Variants in DCDC1 observed in about 807,000 individuals in gnomAD.
DCDC1 encodes doublecortin domain-containing protein 1.
DCDC1 carries 200 observed loss-of-function variants against 178.3 expected under a neutral mutation model. The observed-to-expected ratio is 1.12, with a 90% confidence interval of 1.00 to 1.26. The LOEUF (loss-of-function observed/expected upper bound fraction) is 1.26. Among genes scored for constraint, DCDC1 ranks in the 50% most tolerant of loss-of-function variants. DCDC1 has a pLI of 0.00. For synonymous variants in DCDC1, 690 were observed against 604.8 expected, an observed-to-expected ratio of 1.14 and a Z score of -2.07; for missense variants, 1,983 against 1,749.2, an observed-to-expected ratio of 1.13 and a Z score of -2.38.
intron 9 of DCDC1, among the ~76,000 whole-genome samples, chr11:31,230,214 GA>G (rs775924212): frequency 7.3e-5 from 11 of 151,694 alleles, no homozygotes; most frequent in Non-Finnish European, 1.6e-4. Flanking sequence ...CTAAGAATGA[GA>G]AATCAAAAAG....
chr11:31,063,094 C>G (rs183508086), intron 20 of DCDC1, among the ~76,000 whole-genome samples: 75 of 151,842 alleles, frequency 4.9e-4, no homozygotes, highest in Non-Finnish European at 6.9e-4. Context: ...AAAAACACAT[C>G]AAAAAATGCT....
At chr11:30,872,764 C>T (rs547388320) in intron 38 of DCDC1, among the ~76,000 whole-genome samples, 39 of 152,226 alleles carry the variant, frequency 2.6e-4, no homozygotes, top group African/African-American at 9.4e-4. Flanking sequence ...AAGTATGTCA[C>T]CCCTACCTCC....
Position 30,906,539 on chromosome 11 carries a change from C to T in DCDC1, c.4104+1G>A, listed in dbSNP as rs371691759. ...TTAGCAGAGCTCAGATCATTACATA[C>T]CTCAGCCACACTGATGACCTTGAAG... On this transcript the variant is annotated splice_donor_variant, in intron 30 of 38. Coordinates refer to ENST00000684477, the MANE Select transcript of DCDC1 (RefSeq NM_001387274.1). LOFTEE classifies it high-confidence loss of function. 1.5e-5 allele frequency: 24 copies of T among 1,611,836 alleles called. No individual in the cohort carries two copies. Among genetic ancestry groups the T allele is most frequent in the Non-Finnish European group, 2.0e-5 (23 of 1,178,990 alleles).
intron 10 of DCDC1, among the ~76,000 whole-genome samples, chr11:31,136,863 AT>A (rs1963197094): frequency 1.3e-5 from 2 of 152,178 alleles, no homozygotes; most frequent in Non-Finnish European, 2.9e-5. Flanking sequence ...GTTTGCTTTA[AT>A]AATAATATTG....
intron 28 of DCDC1, among the ~76,000 whole-genome samples, chr11:30,909,618 T>C (rs937773903): frequency 8.5e-5 from 13 of 152,134 alleles, no homozygotes; most frequent in Non-Finnish European, 1.8e-4. Flanking sequence ...AGAGAAATTA[T>C]TTTACCTTGC....
intron 17 of DCDC1, among the ~76,000 whole-genome samples, chr11:31,079,893 G>A (rs1236331568): frequency 6.6e-6 from 1 of 152,148 alleles, no homozygotes. Context: ...AATGAAATGA[G>A]AATGGAGCAG....
intron 24 of DCDC1, among the ~76,000 whole-genome samples, 184 bp downstream of exon 24, chr11:30,922,319 C>T (rs1433282951): frequency 6.6e-6 from 1 of 152,210 alleles, no homozygotes; most frequent in Non-Finnish European, 1.5e-5. Context: ...TTTGCACATT[C>T]AAACTGTAGT....
chr11:31,341,812 T>TACACACACACACACACACACACAC (rs34730979), intron 1 of DCDC1, among the ~76,000 whole-genome samples: 1 of 144,470 alleles, frequency 6.9e-6, no homozygotes, highest in Non-Finnish European at 1.5e-5. Context: ...TGCATGACTA[T>TACACACACACACACACACACACAC]ACACACACAC....
intron 10 of DCDC1, among the ~76,000 whole-genome samples, chr11:31,133,697 T>TTTTTTG (rs1555076803): frequency 1.4e-4 from 22 of 152,186 alleles, no homozygotes; most frequent in East Asian, 1.4e-3. Context: ...TTGTGGGTTT[T>TTTTTTG]TTTTTGTTTT....
intron 9 of DCDC1, among the ~76,000 whole-genome samples, chr11:31,164,143 T>C (rs1966572094): frequency 6.6e-6 from 1 of 152,114 alleles, no homozygotes; most frequent in Admixed American, 6.6e-5. Flanking sequence ...ATCCTATAAA[T>C]ATGATTTGAG....
chr11:30,892,018 C>G (rs1027312486), intron 36 of DCDC1, among the ~76,000 whole-genome samples: 1 of 152,168 alleles, frequency 6.6e-6, no homozygotes, highest in Admixed American at 6.5e-5. Context: ...CCAACAACAT[C>G]TCTATATGAC....
chr11:30,962,657 T>G (rs1463806603), intron 20 of DCDC1, among the ~76,000 whole-genome samples: 1 of 152,012 alleles, frequency 6.6e-6, no homozygotes, highest in Non-Finnish European at 1.5e-5. Context: ...ACATATATAT[T>G]TAGTCTAGAA....
rs1005608799 is a variant in DCDC1 at position 30,932,306 on chromosome 11, T to A, written c.2716-354A>T. On this transcript the variant is annotated intron_variant, in intron 21 of 38. Transcript: ENST00000684477. ...AGAAGGAATGTGACAAAAGTGGTTT[T>A]AAAATAGCCTGAAATAATACCACCT... Among the ~76,000 whole-genome samples, 3 of 152,152 alleles carry A rather than the reference T, an allele frequency of 2.0e-5. No homozygotes were observed. The East Asian group carries it at 5.8e-4, about 29-fold the overall frequency.
At position 31,234,773 on chromosome 11, in the gene DCDC1, T is replaced by C. The variant is rs577976625; in HGVS notation, c.1221+6677A>G. Among the ~76,000 whole-genome samples the C allele has an allele frequency of 3.9e-5, 6 of 152,288 alleles. No individual in the cohort carries two copies. In the East Asian group the frequency reaches 9.6e-4, roughly 24 times the overall value. ...GAACAGATAGGATGTCAGGTGAAGATAGAATGCTATGCCCTCTCTAACCAG... is the reference window on the plus strand; with the variant it reads ...GAACAGATAGGATGTCAGGTGAAGACAGAATGCTATGCCCTCTCTAACCAG... On this transcript the variant is annotated intron_variant, in intron 9 of 38. Coordinates refer to ENST00000684477, the MANE Select transcript of DCDC1 (RefSeq NM_001387274.1).
At chr11:31,210,586 C>T (rs905272235) in intron 9 of DCDC1, among the ~76,000 whole-genome samples, 18 of 151,864 alleles carry the variant, frequency 1.2e-4, no homozygotes, top group African/African-American at 4.4e-4. Context: ...TGGCACATGC[C>T]TGTAATCCCA....
At chr11:31,219,447 G>A (rs1297672685) in intron 9 of DCDC1, among the ~76,000 whole-genome samples, 1 of 152,072 alleles carries the variant, frequency 6.6e-6, no homozygotes, top group African/African-American at 2.4e-5. Flanking sequence ...GAGCAGAGGC[G>A]GGACCTATGT....
chr11:31,215,159 G>T, intron 9 of DCDC1: 1 of 254,788 alleles, frequency 3.9e-6, no homozygotes, highest in South Asian at 4.0e-5. Flanking sequence ...TAGAAGTGCA[G>T]TGGCTCACAC....
intron 38 of DCDC1, among the ~76,000 whole-genome samples, chr11:30,868,190 T>A (rs530563129): frequency 6.6e-6 from 1 of 150,712 alleles, no homozygotes; most frequent in Non-Finnish European, 1.5e-5. Context: ...AATGGTGCTA[T>A]AACTGCAATT....
intron 9 of DCDC1, among the ~76,000 whole-genome samples, chr11:31,163,835 T>C (rs1591276786): frequency 6.6e-6 from 1 of 152,186 alleles, no homozygotes; most frequent in African/African-American, 2.4e-5. Flanking sequence ...CAAACATCTA[T>C]GGTCAGAAGA....
Sources: allele counts gnomAD v4.1 joint callset (sites outside exome capture counted in the v4.1 genomes callset), GRCh38; gene constraint gnomAD v4.1.1; transcripts MANE v1.5; gene names NCBI Gene and HGNC (gene_info 2026-07-23, HGNC 2026-07-21).